Variants in SYCP1 observed in about 807,000 individuals in gnomAD.
SYCP1 encodes cancer/testis antigen 8.
Under a neutral mutation model 153.1 loss-of-function variants are expected in SYCP1, and 64 were observed. The observed-to-expected ratio is 0.42, with a 90% CI of 0.34 to 0.51. SYCP1 has a LOEUF of 0.51. SYCP1 is among the 20% of genes least tolerant of loss of function. The probability of loss-of-function intolerance (pLI) is 0.06; values close to 1 mark genes in which losing one functional copy is unlikely to be tolerated. For synonymous variants in SYCP1, 384 were observed against 341.8 expected, an observed-to-expected ratio of 1.12 and a Z score of -1.36; for missense variants, 997 against 1,049.0, an observed-to-expected ratio of 0.95 and a Z score of 0.68.
chr1:114,869,320 T>G (rs1036751649), intron 8 of SYCP1, among the ~76,000 whole-genome samples: 10 of 152,340 alleles, frequency 6.6e-5, no homozygotes, highest in African/African-American at 2.4e-4. Context: ...TTGGTTATTC[T>G]CCAAGCATTT....
chr1:114,993,753 ACT>A (rs1284309363), intron 30 of SYCP1, among the ~76,000 whole-genome samples: 1 of 151,218 alleles, frequency 6.6e-6, no homozygotes, highest in Admixed American at 6.6e-5. Flanking sequence ...TACCATCTTA[ACT>A]CTTTTTAATT....
intron 19 of SYCP1, among the ~76,000 whole-genome samples, 166 bp from the exon 20 acceptor site, chr1:114,913,809 A>G (rs538439234): frequency 2.0e-5 from 3 of 152,214 alleles, no homozygotes; most frequent in African/African-American, 7.2e-5. Flanking sequence ...TAATTAAAGT[A>G]AGGCTTAAAA....
chr1:114,864,149 A>G (rs1231579416), intron 8 of SYCP1, among the ~76,000 whole-genome samples: 1 of 151,932 alleles, frequency 6.6e-6, no homozygotes, highest in Non-Finnish European at 1.5e-5. Flanking sequence ...AAAAGAGTAT[A>G]CAGTCTAGTG....
chr1:114,943,466 T>C (rs1180943547), intron 23 of SYCP1, among the ~76,000 whole-genome samples: 1 of 151,730 alleles, frequency 6.6e-6, no homozygotes, highest in Non-Finnish European at 1.5e-5. Flanking sequence ...AACTGTTCAA[T>C]GAGAAAAGCA....
At chr1:114,895,425 CA>C (rs1376854210) in intron 15 of SYCP1, 22 bp from the exon 16 acceptor site, 7 of 1,387,412 alleles carry the variant, frequency 5.0e-6, no homozygotes, top group Middle Eastern at 1.8e-4. Context: ...CTTTTTAACA[CA>C]TTTTTTTTTT....
intron 23 of SYCP1, among the ~76,000 whole-genome samples, chr1:114,936,380 C>G (rs1421471510): frequency 6.6e-6 from 1 of 152,090 alleles, no homozygotes; most frequent in East Asian, 1.9e-4. Context: ...ACTCAATAAA[C>G]TAGGTATTGA....
intron 27 of SYCP1, among the ~76,000 whole-genome samples, chr1:114,959,414 GAGC>G (rs1194084184): frequency 6.6e-6 from 1 of 152,022 alleles, no homozygotes; most frequent in Admixed American, 6.6e-5. Context: ...GAGAGCTATT[GAGC>G]TATAGTTTTC....
chr1:114,956,380 A>G (rs360684), intron 27 of SYCP1, among the ~76,000 whole-genome samples: 77,563 of 151,922 alleles, frequency 0.51, 20,717 homozygotes, highest in Middle Eastern at 0.62. Flanking sequence ...CTATCTCACA[A>G]TAATCCTGAG....
At chr1:114,923,554 C>T (rs745860139) in intron 21 of SYCP1, 24 bp downstream of exon 21, 32 of 1,536,158 alleles carry the variant, frequency 2.1e-5, no homozygotes, top group Middle Eastern at 1.8e-4. Context: ...AATAATGGAT[C>T]GTATCACAAA....
At chr1:114,881,790 C>G (rs1200932551) in intron 12 of SYCP1, among the ~76,000 whole-genome samples, 1 of 152,164 alleles carries the variant, frequency 6.6e-6, no homozygotes, top group Non-Finnish European at 1.5e-5. Context: ...ATGTGAACCA[C>G]CACGCCTGGC....
rs1249656170 is a variant in SYCP1, at chr1:114,951,080, C to T, written c.2322+3760C>T. On this transcript the variant is annotated intron_variant, in intron 27 of 31. Coordinates refer to ENST00000369522, the MANE Select transcript of SYCP1 (RefSeq NM_003176.4). Reference sequence around the variant, plus strand: ...ACCTTGTGATCCGCCCGCCTCAGCCCCCCAAAGTGCTGGGATTACAGGCGT... The same window carrying T: ...ACCTTGTGATCCGCCCGCCTCAGCCTCCCAAAGTGCTGGGATTACAGGCGT... Among the ~76,000 whole-genome samples, 20 of 152,038 alleles carry T rather than the reference C, an allele frequency of 1.3e-4. No individual in the cohort carries two copies. The East Asian group carries it at 3.1e-3, about 24-fold the overall frequency.
intron 27 of SYCP1, among the ~76,000 whole-genome samples, chr1:114,965,556 T>A (rs1423243225): frequency 6.6e-6 from 1 of 152,238 alleles, no homozygotes; most frequent in Non-Finnish European, 1.5e-5. Flanking sequence ...TATTGAGTGT[T>A]TTTAGCATGA....
chr1:114,950,175 A>G (rs144135296), intron 27 of SYCP1, among the ~76,000 whole-genome samples: 1 of 152,212 alleles, frequency 6.6e-6, no homozygotes, highest in African/African-American at 2.4e-5. Flanking sequence ...ATGCTTTAAG[A>G]GACACCACAT....
intron 27 of SYCP1, among the ~76,000 whole-genome samples, chr1:114,962,570 G>A (rs549305190): frequency 2.6e-5 from 4 of 152,084 alleles, no homozygotes; most frequent in Non-Finnish European, 5.9e-5. Flanking sequence ...TATGTTAGGT[G>A]AGTCCCTTAA....
intron 26 of SYCP1, among the ~76,000 whole-genome samples, chr1:114,946,938 G>T (rs1480867240): frequency 6.6e-6 from 1 of 152,006 alleles, no homozygotes; most frequent in East Asian, 1.9e-4. Context: ...TAGAGACGGG[G>T]TTTCACCATG....
intron 23 of SYCP1, among the ~76,000 whole-genome samples, chr1:114,928,448 A>G (rs1353060676): frequency 6.6e-6 from 1 of 152,214 alleles, no homozygotes. Flanking sequence ...AAAAAGCTTT[A>G]TTAAATGAAG....
chr1:114,976,271 C>T (rs1232986165), intron 27 of SYCP1, among the ~76,000 whole-genome samples: 1 of 151,718 alleles, frequency 6.6e-6, no homozygotes, highest in Non-Finnish European at 1.5e-5. Flanking sequence ...AATTTGGTTA[C>T]AAGGTTGTCA....
chr1:114,893,309 A>G (rs980248877), intron 15 of SYCP1, among the ~76,000 whole-genome samples: 1 of 151,610 alleles, frequency 6.6e-6, no homozygotes, highest in African/African-American at 2.4e-5. Flanking sequence ...CTGTATCTGT[A>G]TCTGTATCTC....
intron 8 of SYCP1, among the ~76,000 whole-genome samples, chr1:114,865,343 C>T (rs1480711980): frequency 6.6e-6 from 1 of 152,040 alleles, no homozygotes; most frequent in Non-Finnish European, 1.5e-5. Flanking sequence ...TTCAGCAATT[C>T]TGTATTATAT....
Sources: allele counts gnomAD v4.1 joint callset (sites outside exome capture counted in the v4.1 genomes callset), GRCh38; gene constraint gnomAD v4.1.1; transcripts MANE v1.5; gene names NCBI Gene and HGNC (gene_info 2026-07-23, HGNC 2026-07-21).